The following MYH10 variants were observed in gnomAD, a reference collection of about 807,000 sequenced individuals.
The protein encoded by MYH10 is myosin-10.
Under a neutral mutation model 257.8 loss-of-function variants are expected in MYH10, and 55 were observed. The observed-to-expected ratio is 0.21, with a 90% confidence interval of 0.17 to 0.27. The LOEUF (loss-of-function observed/expected upper bound fraction) is 0.27, where lower values mean the gene tolerates loss of function less well. Among genes scored for constraint, MYH10 ranks in the 10% least tolerant of loss-of-function variants. The pLI is 1.00. For synonymous variants in MYH10, 854 were observed against 921.7 expected (o/e 0.93, Z 1.33); for missense variants, 1,631 against 2,500.6 (o/e 0.65, Z 7.42).
At chr17:8,548,825 C>T in intron 9 of MYH10, 38 bp from the exon 10 acceptor site, 1 of 1,553,588 alleles carries the variant, frequency 6.4e-7, no homozygotes, top group Non-Finnish European at 8.9e-7. Flanking sequence ...TTGATAAATA[C>T]TCATGAAGAC....
At position 8,508,653 on chromosome 17, in the gene MYH10, T is replaced by C; in HGVS notation, c.3115A>G (p.Ile1039Val). 6.2e-7 allele frequency: 1 copy of C among 1,614,066 alleles called. No individual in the cohort carries two copies. Among genetic ancestry groups the C allele is most frequent in the Non-Finnish European group, 8.5e-7 (1 of 1,180,004 alleles). ...IKEKKLMEDR[I>V]AECSSQLAEE... Reference sequence around the variant, plus strand: ...GCCAGCTGAGAGGAACACTCAGCAATGCGATCTTCCATGAGTTTCTTTTCC... The same window carrying C: ...GCCAGCTGAGAGGAACACTCAGCAACGCGATCTTCCATGAGTTTCTTTTCC... The change falls in exon 26 of 43, where the codon ATT becomes GTT. Residue 1039 changes from isoleucine to valine, a missense_variant. This residue lies in a region of MYH10 where 169 missense variants were observed against 249.8 expected (regional missense o/e 0.68). Coordinates refer to ENST00000360416, the MANE Select transcript of MYH10 (RefSeq NM_001256012.3).
chr17:8,564,445 T>C (rs2083096840), intron 7 of MYH10, among the ~76,000 whole-genome samples: 3 of 152,238 alleles, frequency 2.0e-5, no homozygotes, highest in Non-Finnish European at 4.4e-5. Context: ...ACGGAGCAAC[T>C]GCCTCCCTCA....
intron 6 of MYH10, chr17:8,573,950 G>T: frequency 3.1e-6 from 1 of 321,980 alleles, no homozygotes; most frequent in Non-Finnish European, 4.5e-6. Flanking sequence ...ACATGTTCCT[G>T]GTGGCAATGT....
At chr17:8,568,491 G>A (rs765889249) in intron 7 of MYH10, among the ~76,000 whole-genome samples, 5 of 151,958 alleles carry the variant, frequency 3.3e-5, no homozygotes, top group Middle Eastern at 3.4e-3. Context: ...AGCGTGTCAC[G>A]ACGACACTAG....
At chr17:8,524,357 G>A (rs2081762847) in intron 17 of MYH10, among the ~76,000 whole-genome samples, 1 of 150,276 alleles carries the variant, frequency 6.7e-6, no homozygotes, top group Admixed American at 6.7e-5. Flanking sequence ...GGCTGAGGCA[G>A]GAGAATTGCC....
intron 24 of MYH10, chr17:8,511,071 T>TAC (rs1555579148): frequency 0.018 from 1,502 of 82,056 alleles, 54 homozygotes; most frequent in East Asian, 0.058. Flanking sequence ...CACACATACA[T>TAC]ACATACACAC....
chr17:8,621,746 T>C (rs1410289292), intron 2 of MYH10, among the ~76,000 whole-genome samples: 1 of 152,208 alleles, frequency 6.6e-6, no homozygotes, highest in African/African-American at 2.4e-5. Flanking sequence ...GCAAAGGTCA[T>C]GAATGAATCA....
chr17:8,546,398 T>TAA (rs35537538), intron 12 of MYH10, 146 bp downstream of exon 12: 130 of 512,174 alleles, frequency 2.5e-4, no homozygotes, highest in South Asian at 2.9e-4. Context: ...TAAATATACT[T>TAA]AAAAAAAAAA....
intron 16 of MYH10, among the ~76,000 whole-genome samples, chr17:8,534,810 A>G (rs2082095773): frequency 6.6e-6 from 1 of 152,266 alleles, no homozygotes; most frequent in Non-Finnish European, 1.5e-5. Context: ...ATAGAGACAC[A>G]GAGACATTTT....
chr17:8,510,455 C>G (rs984137735), intron 24 of MYH10, among the ~76,000 whole-genome samples: 1 of 152,104 alleles, frequency 6.6e-6, no homozygotes, highest in Non-Finnish European at 1.5e-5. Flanking sequence ...TAAAAATGAG[C>G]CTTTCCTTTC....
At chr17:8,583,767 AT>A (rs2083797359) in intron 4 of MYH10, among the ~76,000 whole-genome samples, 1 of 152,226 alleles carries the variant, frequency 6.6e-6, no homozygotes, top group East Asian at 1.9e-4. Flanking sequence ...TTTGTATATA[AT>A]AGATAAGATT....
At chr17:8,563,208 G>C (rs1280681464) in intron 7 of MYH10, among the ~76,000 whole-genome samples, 1 of 152,150 alleles carries the variant, frequency 6.6e-6, no homozygotes, top group Non-Finnish European at 1.5e-5. Context: ...AGGCCAGATG[G>C]CCACCTTAAA....
At chr17:8,593,395 CAGAA>C (rs2084244016) in intron 3 of MYH10, among the ~76,000 whole-genome samples, 3 of 149,482 alleles carry the variant, frequency 2.0e-5, no homozygotes, top group Admixed American at 1.3e-4. Flanking sequence ...AGGACATAGA[CAGAA>C]AATCCCAAAC....
chr17:8,513,713 T>C, intron 22 of MYH10, 44 bp from the exon 23 acceptor site: 1 of 1,609,632 alleles, frequency 6.2e-7, no homozygotes, highest in Non-Finnish European at 8.5e-7. Flanking sequence ...TCATTCCAGC[T>C]CTTTCCTATG....
At chr17:8,615,423 G>A (rs562746043) in intron 2 of MYH10, among the ~76,000 whole-genome samples, 1 of 152,236 alleles carries the variant, frequency 6.6e-6, no homozygotes, top group Middle Eastern at 3.4e-3. Context: ...GAACAAAGAT[G>A]AAACATTTCC....
At chr17:8,549,563 T>C (rs1054409238) in intron 9 of MYH10, among the ~76,000 whole-genome samples, 1 of 152,228 alleles carries the variant, frequency 6.6e-6, no homozygotes, top group East Asian at 1.9e-4. Flanking sequence ...GCTCTCTTGC[T>C]CTCCTGCAGA....
At chr17:8,492,243 A>C in intron 34 of MYH10, 54 bp downstream of exon 34, 1 of 1,559,910 alleles carries the variant, frequency 6.4e-7, no homozygotes, top group East Asian at 2.2e-5. Context: ...GTGAAGGCCC[A>C]GGCCCCTGGG....
Position 8,478,392 on chromosome 17 carries a change from T to G in MYH10, c.5652A>C (p.Glu1884Asp). 6.2e-7 allele frequency: 1 copy of G among 1,614,220 alleles called. No homozygotes were observed. The highest frequency in any genetic ancestry group is 8.5e-7 in the Non-Finnish European group (1 of 1,180,030). ...LVRRTEKKLK[E>D]IFMQVEDERR... ...GCTCATCCTCAACCTGCATGAAGAT[T>G]TCTTTCAGCTTCTTCTCAGTGCGAC... The change falls in exon 41 of 43, where the codon GAA becomes GAC. Residue 1884 changes from glutamate (E) to aspartate (D), a missense_variant. Around this residue, in one of 11 missense-constraint regions of MYH10, gnomAD observed 343 missense variants for 389.5 expected, o/e 0.88. Coordinates refer to ENST00000360416, the MANE Select transcript of MYH10 (RefSeq NM_001256012.3).
chr17:8,560,950 C>G, intron 7 of MYH10: 1 of 470,768 alleles, frequency 2.1e-6, no homozygotes, highest in Admixed American at 3.2e-5. Context: ...CCACTGCCAA[C>G]TGCGGACAAC....
Sources: gnomAD v4.1 joint callset for allele counts (sites outside exome capture counted in the v4.1 genomes callset) on GRCh38, gnomAD v4.1.1 for gene constraint, gnomAD v4.1.1 regional missense constraint, MANE v1.5 for transcripts, NCBI Gene and HGNC (gene_info 2026-07-23, HGNC 2026-07-21) for gene names.